MAPK10: variants seen among roughly 807,000 people sequenced by gnomAD.
MAPK10 encodes mitogen-activated protein kinase 10.
In MAPK10, 25 loss-of-function variants were observed where a neutral mutation model predicts 59.3. That is an observed-to-expected ratio of 0.42 (90% confidence interval 0.31 to 0.59). The LOEUF (loss-of-function observed/expected upper bound fraction) is 0.59, where lower values mean the gene tolerates loss of function less well. Among genes scored for constraint, MAPK10 ranks in the 20% least tolerant of loss-of-function variants. The pLI is 0.15. For missense variants in MAPK10, 351 were observed against 568.9 expected, an observed-to-expected ratio of 0.62 and a Z score of 3.90; for synonymous variants, 190 against 200.5, an observed-to-expected ratio of 0.95 and a Z score of 0.44.
chr4:86,018,204 A>C (rs774825190), intron 13 of MAPK10, among the ~76,000 whole-genome samples: 1 of 152,188 alleles, frequency 6.6e-6, no homozygotes, highest in Non-Finnish European at 1.5e-5. Flanking sequence ...ATAGAAGCTG[A>C]AGTGAAGTTC....
chr4:86,401,372 A>T (rs1163390531), intron 1 of MAPK10, among the ~76,000 whole-genome samples: 3 of 152,214 alleles, frequency 2.0e-5, no homozygotes, highest in Non-Finnish European at 4.4e-5. Flanking sequence ...TACTAGGATT[A>T]GCTTTTGCTG....
At chr4:86,325,233 T>C (rs975966830) in intron 2 of MAPK10, among the ~76,000 whole-genome samples, 2 of 152,194 alleles carry the variant, frequency 1.3e-5, no homozygotes, top group African/African-American at 4.8e-5. Context: ...AGTACAGTAA[T>C]ATAGGAACAA....
At chr4:86,033,181 A>G (rs993409276) in intron 11 of MAPK10, among the ~76,000 whole-genome samples, 3 of 152,228 alleles carry the variant, frequency 2.0e-5, no homozygotes, top group Non-Finnish European at 4.4e-5. Flanking sequence ...AAAATTGTGA[A>G]ACCATTACCT....
intron 1 of MAPK10, among the ~76,000 whole-genome samples, chr4:86,486,507 G>A (rs1754008884): frequency 6.6e-6 from 1 of 152,128 alleles, no homozygotes; most frequent in African/African-American, 2.4e-5. Flanking sequence ...TTGAGATATG[G>A]GTATAGCAAT....
chr4:86,183,222 T>C (rs1034855295), intron 3 of MAPK10, among the ~76,000 whole-genome samples: 3 of 152,128 alleles, frequency 2.0e-5, no homozygotes, highest in East Asian at 1.9e-4. Context: ...ATGTGCCATG[T>C]TGGTGTGCTG....
chr4:86,515,987 T>C (rs1260795031), intron 1 of MAPK10, among the ~76,000 whole-genome samples: 1 of 152,136 alleles, frequency 6.6e-6, no homozygotes, highest in Non-Finnish European at 1.5e-5. Context: ...TTTTCCAATG[T>C]TGTCTTCTAG....
At chr4:86,270,148 A>C (rs181454136) in intron 2 of MAPK10, among the ~76,000 whole-genome samples, 1 of 152,204 alleles carries the variant, frequency 6.6e-6, no homozygotes, top group African/African-American at 2.4e-5. Flanking sequence ...CATCCATTTA[A>C]GCACAGAAAT....
intron 5 of MAPK10, among the ~76,000 whole-genome samples, chr4:86,105,944 A>G (rs978235882): frequency 3.3e-5 from 5 of 152,096 alleles, no homozygotes; most frequent in Non-Finnish European, 7.4e-5. Context: ...ACTTAATAGC[A>G]CTTATCATCA....
chr4:86,073,381 G>A (rs1175115766), intron 9 of MAPK10, among the ~76,000 whole-genome samples: 2 of 151,372 alleles, frequency 1.3e-5, no homozygotes, highest in Admixed American at 1.3e-4. Context: ...GGTTTTTTGT[G>A]TCTCTATTTC....
intron 2 of MAPK10, among the ~76,000 whole-genome samples, chr4:86,253,798 TG>T: frequency 1.2e-5 from 1 of 82,084 alleles, no homozygotes; most frequent in Non-Finnish European, 2.2e-5. Context: ...TGAAACCATC[TG>T]GTCCTGGACT....
At position 86,502,899 on chromosome 4, in the gene MAPK10, T is replaced by G. The variant is rs539889373; in HGVS notation, c.-263+91011A>C. 1.4e-3 allele frequency among the ~76,000 whole-genome samples: 214 copies of G among 152,202 alleles called. 1 individual carries two copies. The highest frequency in any genetic ancestry group is 1.4e-3 in the Non-Finnish European group (92 of 67,968). The stretch of plus-strand genomic sequence containing the variant: ...TAAACAAAAATAACAGACTTTTTTG[T>G]GAGGCTTATTCTGTGTGGATCATCA... On this transcript the variant is annotated intron_variant, in intron 1 of 4. Coordinates refer to the MAPK10 transcript ENST00000502302.
chr4:86,552,995 C>A (rs1346124131), intron 1 of MAPK10, among the ~76,000 whole-genome samples: 1 of 152,116 alleles, frequency 6.6e-6, no homozygotes, highest in African/African-American at 2.4e-5. Context: ...GTAATTAAGT[C>A]TTTTTACTCT....
At chr4:86,353,338 T>A (rs538354983) in intron 2 of MAPK10, among the ~76,000 whole-genome samples, 1 of 152,166 alleles carries the variant, frequency 6.6e-6, no homozygotes, top group Non-Finnish European at 1.5e-5. Context: ...ACATTCTACC[T>A]ACATCACAGA....
At chr4:86,067,663 C>A in intron 10 of MAPK10, 110 bp downstream of exon 10, 1 of 909,358 alleles carries the variant, frequency 1.1e-6, no homozygotes. Context: ...TATCATGTGT[C>A]AACTAAAAAT....
At chr4:86,174,651 C>A (rs1315454176) in intron 3 of MAPK10, among the ~76,000 whole-genome samples, 3 of 152,138 alleles carry the variant, frequency 2.0e-5, no homozygotes, top group African/African-American at 7.2e-5. Context: ...CTCAACACTT[C>A]TCTTTCCACA....
chr4:86,359,288 C>CTCTCTCTCTCTCTGTGTGTG (rs796310826), intron 1 of MAPK10, among the ~76,000 whole-genome samples: 5 of 94,634 alleles, frequency 5.3e-5, no homozygotes, highest in South Asian at 3.7e-4. Flanking sequence ...CTCTCTCTCT[C>CTCTCTCTCTCTCTGTGTGTG]TGTGTGTGTG....
intron 3 of MAPK10, among the ~76,000 whole-genome samples, chr4:86,172,456 C>T (rs1402700720): frequency 6.6e-6 from 1 of 150,922 alleles, no homozygotes; most frequent in African/African-American, 2.5e-5. Context: ...TCATCATTCA[C>T]AGTAAACTAT....
intron 11 of MAPK10, among the ~76,000 whole-genome samples, chr4:86,062,733 A>G (rs935033758): frequency 2.0e-5 from 3 of 152,172 alleles, no homozygotes; most frequent in Non-Finnish European, 4.4e-5. Context: ...CTTGAATTTC[A>G]TCAGAGATAA....
intron 1 of MAPK10, among the ~76,000 whole-genome samples, chr4:86,395,187 A>C: frequency 6.6e-6 from 1 of 152,212 alleles, no homozygotes; most frequent in Admixed American, 6.5e-5. Context: ...TTGTTTTATA[A>C]TCATACCAAA....
Sources: gnomAD v4.1 joint callset for allele counts (sites outside exome capture counted in the v4.1 genomes callset) on GRCh38, gnomAD v4.1.1 for gene constraint, MANE v1.5 for transcripts, NCBI Gene and HGNC (gene_info 2026-07-23, HGNC 2026-07-21) for gene names.